PCDHGA1: variants seen among roughly 807,000 people sequenced by gnomAD.
PCDHGA1 encodes protocadherin gamma-A1.
A neutral mutation model predicts 58.0 loss-of-function variants in PCDHGA1; 32 were observed. That is an observed-to-expected ratio of 0.55 (90% CI 0.42 to 0.74). The LOEUF (loss-of-function observed/expected upper bound fraction) is 0.74. Ranked by LOEUF, PCDHGA1 falls within the 30% of genes least tolerant of loss-of-function variation. The pLI is 0.00. For synonymous variants in PCDHGA1, 498 were observed against 501.1 expected (o/e 0.99, Z 0.08); for missense variants, 1,205 against 1,182.3 (o/e 1.02, Z -0.28).
chr5:141,384,164 T>C, intron 1 of PCDHGA1: 1 of 1,613,724 alleles, frequency 6.2e-7, no homozygotes, highest in Non-Finnish European at 8.5e-7. Flanking sequence ...AACATCACAC[T>C]GAAAGCCACA....
chr5:141,361,399 A>G, intron 1 of PCDHGA1: 1 of 1,613,982 alleles, frequency 6.2e-7, no homozygotes, highest in Non-Finnish European at 8.5e-7. Context: ...CAATCTCACC[A>G]TCACAGCCAC....
At position 141,383,936 on chromosome 5, in the gene PCDHGA1, AAGTGACTATG is replaced by A. The variant is rs765282926; in HGVS notation, c.2421+50833_2421+50842del. On this transcript the variant is annotated intron_variant, in intron 1 of 3. Coordinates refer to ENST00000517417, the MANE Select transcript of PCDHGA1 (RefSeq NM_018912.3). ...TTAGATGTAAATGATAATGCTCCAG[AAGTGACTATG>A]ACGTCTTTAAGTAGCTCAATCCCTG... 5.0e-6 allele frequency: 8 copies of A among 1,613,818 alleles called. No homozygotes were observed. In the South Asian group the frequency reaches 8.8e-5, roughly 18 times the overall value.
intron 1 of PCDHGA1, among the ~76,000 whole-genome samples, chr5:141,471,737 A>G (rs2099263581): frequency 6.6e-6 from 1 of 152,232 alleles, no homozygotes; most frequent in Non-Finnish European, 1.5e-5. Context: ...AAGGTTGGAG[A>G]CATAACATAT....
Position 141,330,582 on chromosome 5 carries a change from C to T in PCDHGA1, c.-103C>T. The T allele has an allele frequency of 7.9e-7, 1 of 1,267,254 alleles. No individual in the cohort carries two copies. The highest frequency in any genetic ancestry group is 1.1e-6 in the Non-Finnish European group (1 of 917,042). 78.5% of individuals were successfully genotyped at this position (1,267,254 alleles called of 1,614,324 possible). ...GCCTAAATCCTACTTCTGGATGACT[C>T]TCCAGTCAGAATTCTCCTGAAAATT... On this transcript the variant is annotated 5_prime_UTR_variant, in exon 1 of 4. Coordinates refer to ENST00000517417, the MANE Select transcript of PCDHGA1 (RefSeq NM_018912.3).
chr5:141,336,918 C>T lies in PCDHGA1; in HGVS notation c.2421+3813C>T, dbSNP rs562684573. Among the ~76,000 whole-genome samples the T allele has an allele frequency of 2.6e-5, 4 of 152,204 alleles. No homozygotes were observed. The South Asian group carries it at 6.2e-4, about 24-fold the overall frequency. Reference sequence around the variant, plus strand: ...GAATGGATATCCAGAATAAAGAACTCGAACTCAACAACAAAGAATCCCAAA... The same window carrying T: ...GAATGGATATCCAGAATAAAGAACTTGAACTCAACAACAAAGAATCCCAAA... On this transcript the variant is annotated intron_variant, in intron 1 of 3. Coordinates refer to ENST00000517417, the MANE Select transcript of PCDHGA1 (RefSeq NM_018912.3).
intron 1 of PCDHGA1, among the ~76,000 whole-genome samples, chr5:141,368,655 A>G (rs761837441): frequency 1.3e-5 from 2 of 152,170 alleles, no homozygotes; most frequent in Non-Finnish European, 2.9e-5. Flanking sequence ...CAATGGAAAA[A>G]TATCTTTAAA....
rs1327610213 is a variant in PCDHGA1 at position 141,423,493 on chromosome 5, C to T, written c.2422-71314C>T. 5 of 1,613,984 alleles carry T rather than the reference C, an allele frequency of 3.1e-6. No homozygotes were observed. In the South Asian group the frequency reaches 5.5e-5, roughly 18 times the overall value. On this transcript the variant is annotated intron_variant, in intron 1 of 3. Coordinates refer to ENST00000517417, the MANE Select transcript of PCDHGA1 (RefSeq NM_018912.3). The stretch of plus-strand genomic sequence containing the variant: ...ACAGGCTTTCCTGCAAACCTATTCC[C>T]ACGAGGTCTCTCTCATTGCGGACTC...
rs375711929 is a variant in PCDHGA1 at position 141,364,934 on chromosome 5, C to T, written c.2421+31829C>T. 6 of 1,613,896 alleles carry T rather than the reference C, an allele frequency of 3.7e-6. No individual in the cohort carries two copies. Among genetic ancestry groups the T allele is most frequent in the Non-Finnish European group, 5.1e-6 (6 of 1,179,876 alleles). On this transcript the variant is annotated intron_variant, in intron 1 of 3. Transcript: ENST00000517417. Reference sequence around the variant, plus strand: ...GCTGGTGTTGGAACAGCCCCTAGACCGCGAGAAAGAGACTGTTCACGACCT... The same window carrying T: ...GCTGGTGTTGGAACAGCCCCTAGACTGCGAGAAAGAGACTGTTCACGACCT...
rs1309459669 is a variant in PCDHGA1 at position 141,332,708 on chromosome 5, T to C, written c.2024T>C (p.Leu675Pro). 1.9e-6 allele frequency: 3 copies of C among 1,613,832 alleles called. No individual in the cohort carries two copies. The highest frequency in any genetic ancestry group is 2.2e-5 in the East Asian group (1 of 44,894). The part of the protein sequence containing the change: ...ADRISDILAD[L>P]GSLEPSAKPN... Reference sequence around the variant, plus strand: ...AGGATCTCCGACATCCTGGCCGACCTGGGCAGCCTCGAGCCCTCCGCCAAA... The same window carrying C: ...AGGATCTCCGACATCCTGGCCGACCCGGGCAGCCTCGAGCCCTCCGCCAAA... The change falls in exon 1 of 4, where the codon CTG (leucine) becomes CCG (proline). Residue 675 changes from leucine to proline, a missense_variant. Leu to Pro is a moderately conservative substitution (Grantham distance 98, BLOSUM62 -3). Transcript: ENST00000517417. This position sits in a 1 kb window ranked among gnomAD's most constrained non-coding sequence, Gnocchi z 4.6.
At chr5:141,365,117 A>G (rs764671143) in intron 1 of PCDHGA1, 2 of 1,613,924 alleles carry the variant, frequency 1.2e-6, no homozygotes, top group Non-Finnish European at 1.7e-6. Flanking sequence ...TCGGCTGCTC[A>G]TGCTAACCGC....
At chr5:141,341,064 C>T in intron 1 of PCDHGA1, 1 of 1,614,186 alleles carries the variant, frequency 6.2e-7, no homozygotes, top group African/African-American at 1.3e-5. Flanking sequence ...GTGGCGGTGG[C>T]CGCGGTCTCC....
At chr5:141,340,750 G>A (rs147764693) in intron 1 of PCDHGA1, 5 of 1,614,010 alleles carry the variant, frequency 3.1e-6, no homozygotes, top group Admixed American at 3.3e-5. Context: ...AGGTGGTGGC[G>A]GTGGACAGAG....
chr5:141,400,155 A>C lies in PCDHGA1; in HGVS notation c.2421+67050A>C, dbSNP rs756922498. The C allele has an allele frequency of 5.0e-6, 8 of 1,613,966 alleles. 1 individual carries two copies. The South Asian group carries it at 6.6e-5, about 13-fold the overall frequency. ...TGCCGGATATCACTGACCGCCCTGT[A>C]CCCTCTGACCCCCAGGCTGAGCTGC... On this transcript the variant is annotated intron_variant, in intron 1 of 3. Transcript: ENST00000517417.
chr5:141,355,198 G>A (rs748031143), intron 1 of PCDHGA1: 2 of 1,596,582 alleles, frequency 1.3e-6, no homozygotes, highest in East Asian at 2.2e-5. Flanking sequence ...CGGCGGGGTT[G>A]TAATGGCGGC....
At chr5:141,398,608 G>C in intron 1 of PCDHGA1, 4 of 1,614,062 alleles carry the variant, frequency 2.5e-6, no homozygotes, top group Non-Finnish European at 3.4e-6. Context: ...AGAAGATGCA[G>C]ATATTGGCTT....
intron 1 of PCDHGA1, among the ~76,000 whole-genome samples, chr5:141,436,793 C>A (rs752376420): frequency 6.6e-6 from 1 of 152,178 alleles, no homozygotes; most frequent in Non-Finnish European, 1.5e-5. Context: ...TAAAACTGTT[C>A]TAAAATTTTT....
chr5:141,403,929 G>A (rs1203236737), intron 1 of PCDHGA1: 5 of 1,613,854 alleles, frequency 3.1e-6, no homozygotes, highest in Non-Finnish European at 4.2e-6. Context: ...GATGGTGGGG[G>A]ATTGAAAGGG....
intron 1 of PCDHGA1, among the ~76,000 whole-genome samples, chr5:141,397,737 C>T (rs2093564219): frequency 6.6e-6 from 1 of 152,164 alleles, no homozygotes. Flanking sequence ...GAGAAAGATA[C>T]CTTAAAGAAG....
chr5:141,504,130 C>T (rs1334901812), intron 2 of PCDHGA1, among the ~76,000 whole-genome samples: 1 of 152,154 alleles, frequency 6.6e-6, no homozygotes, highest in African/African-American at 2.4e-5. Flanking sequence ...TGTTTCCCGC[C>T]AACACTCCCC....
Sources: gnomAD v4.1 joint callset for allele counts (sites outside exome capture counted in the v4.1 genomes callset) on GRCh38, gnomAD v4.1.1 for gene constraint, Gnocchi (gnomAD v3.1) non-coding constraint, MANE v1.5 for transcripts, NCBI Gene and HGNC (gene_info 2026-07-23, HGNC 2026-07-21) for gene names.